GPHN: variants seen among roughly 807,000 people sequenced by gnomAD.
The protein encoded by GPHN is gephyrin.
In GPHN, 17 loss-of-function variants were observed where a neutral mutation model predicts 95.5. The ratio of observed to expected loss-of-function variants is 0.18; its 90% CI spans 0.12 to 0.27. GPHN has a LOEUF of 0.27. GPHN is among the 10% of genes least tolerant of loss of function. The probability of loss-of-function intolerance (pLI) is 1.00; values close to 1 mark genes in which losing one functional copy is unlikely to be tolerated. For synonymous variants in GPHN, 320 were observed against 322.5 expected (o/e 0.99, Z 0.08); for missense variants, 660 against 978.1 (o/e 0.67, Z 4.34).
intron 1 of GPHN, among the ~76,000 whole-genome samples, chr14:66,553,614 G>A (rs1644753469): frequency 6.6e-6 from 1 of 150,524 alleles, no homozygotes; most frequent in East Asian, 2.0e-4. Context: ...GTCTCACTCT[G>A]TCACCAGGCT....
intron 9 of GPHN, among the ~76,000 whole-genome samples, chr14:66,974,583 C>A (rs1042419590): frequency 4.6e-5 from 7 of 152,026 alleles, no homozygotes; most frequent in African/African-American, 1.4e-4. Flanking sequence ...GTAGAATTAA[C>A]ATTTTATAGC....
chr14:66,887,424 G>A (rs9323487), intron 5 of GPHN, among the ~76,000 whole-genome samples: 47,117 of 151,954 alleles, frequency 0.31, 11,291 homozygotes, highest in African/African-American at 0.65. Context: ...CTCATCTACT[G>A]AAAATACAAA....
the GPHN span, among the ~76,000 whole-genome samples, chr14:67,645,017 T>TAAAA: frequency 8.1e-6 from 1 of 123,616 alleles, no homozygotes; most frequent in African/African-American, 3.3e-5. Context: ...AAAAAAAAAT[T>TAAAA]GAATGCCATG....
chr14:66,634,268 T>C (rs1489346672), intron 1 of GPHN, among the ~76,000 whole-genome samples: 1 of 147,126 alleles, frequency 6.8e-6, no homozygotes, highest in East Asian at 1.9e-4. Context: ...AAGGAAAGAC[T>C]TTTTCCTGTA....
chr14:67,349,229 A>G, the GPHN span: 2 of 935,490 alleles, frequency 2.1e-6, no homozygotes, highest in South Asian at 3.4e-5. Flanking sequence ...ATGTTTTGAT[A>G]ACTGTCCTTT....
chr14:67,660,130 C>G, the GPHN span: 8 of 510,488 alleles, frequency 1.6e-5, no homozygotes, highest in East Asian at 3.2e-5. Flanking sequence ...AGCAGGCATT[C>G]GAGTATATGA....
intron 2 of GPHN, among the ~76,000 whole-genome samples, chr14:66,771,638 A>G (rs910396581): frequency 6.6e-6 from 1 of 151,968 alleles, no homozygotes; most frequent in African/African-American, 2.4e-5. Flanking sequence ...GGTTAGTTAC[A>G]TATGTATACA....
intron 9 of GPHN, among the ~76,000 whole-genome samples, chr14:66,993,907 AGAT>A (rs1246288342): frequency 2.0e-5 from 3 of 152,170 alleles, no homozygotes; most frequent in African/African-American, 7.2e-5. Context: ...GTATCTTGGT[AGAT>A]GATGTCTTAT....
chr14:67,657,773 C>G, the GPHN span, among the ~76,000 whole-genome samples: 5 of 144,792 alleles, frequency 3.5e-5, no homozygotes, highest in African/African-American at 1.0e-4. Context: ...TTTTTTGAGA[C>G]AGTCTCGCTC....
At chr14:66,940,866 C>G (rs1275480891) in intron 8 of GPHN, among the ~76,000 whole-genome samples, 1 of 152,126 alleles carries the variant, frequency 6.6e-6, no homozygotes, top group Admixed American at 6.5e-5. Context: ...ATTGAGTCCT[C>G]CTCCAACAAG....
the GPHN span, chr14:67,726,301 C>T: frequency 1.4e-6 from 1 of 701,638 alleles, no homozygotes; most frequent in Non-Finnish European, 2.6e-6. Context: ...TTGTTGTTCA[C>T]TGTACCTCTC....
chr14:66,813,116 C>T (rs994487464), intron 3 of GPHN, among the ~76,000 whole-genome samples: 1 of 152,028 alleles, frequency 6.6e-6, no homozygotes, highest in Non-Finnish European at 1.5e-5. Flanking sequence ...GGAAAAGTAC[C>T]ATTTCTAATC....
Position 66,617,254 on chromosome 14 carries a change from A to G in GPHN, c.65-63853A>G, listed in dbSNP as rs8023060. ...CTGTGGTGCTGGTTGCCCCTCCTGTAGGGAGCTCAGTAGGCTTCAGCAGAT... is the reference window on the plus strand; with the variant it reads ...CTGTGGTGCTGGTTGCCCCTCCTGTGGGGAGCTCAGTAGGCTTCAGCAGAT... On this transcript the variant is annotated intron_variant, in intron 1 of 22. Transcript: ENST00000478722. Among the ~76,000 whole-genome samples the G allele has an allele frequency of 3.6e-3, 555 of 152,180 alleles. 12 individuals are homozygous for G. The highest frequency in any genetic ancestry group is 0.013 in the African/African-American group (529 of 41,510).
chr14:67,110,384 T>G lies in GPHN; in HGVS notation c.1413+125T>G, dbSNP rs1406862903. ...TTGTTTAGTTTTGTTTTGTTTTTGC[T>G]TATGGTGGGATCTTATATTGTAGTA... is the stretch of plus-strand genomic sequence containing the variant. On this transcript the variant is annotated intron_variant, in intron 14 of 22. Transcript: ENST00000478722. 6.3e-6 allele frequency: 6 copies of G among 946,230 alleles called. No individual in the cohort carries two copies. The African/African-American group carries it at 9.6e-5, about 15-fold the overall frequency. 58.6% of individuals were successfully genotyped at this position (946,230 alleles called of 1,614,324 possible). A position where few individuals can be genotyped will look rare whatever the true frequency, so the allele number is the denominator to read the frequency against.
At chr14:67,574,915 T>G in the GPHN span, among the ~76,000 whole-genome samples, 1 of 152,204 alleles carries the variant, frequency 6.6e-6, no homozygotes, top group Non-Finnish European at 1.5e-5. This position sits in a 1 kb window ranked among gnomAD's most constrained non-coding sequence, Gnocchi z 4.2. Context: ...CCAAAGCGAC[T>G]TGCACTCAGC....
intron 11 of GPHN, among the ~76,000 whole-genome samples, chr14:67,081,553 G>C (rs958623282): frequency 1.3e-5 from 2 of 152,158 alleles, no homozygotes; most frequent in Admixed American, 1.3e-4. Context: ...TGGGTTGTCT[G>C]TTTACTTTGC....
At chr14:67,397,190 C>T in the GPHN span, among the ~76,000 whole-genome samples, 2 of 152,180 alleles carry the variant, frequency 1.3e-5, no homozygotes, top group African/African-American at 2.4e-5. Flanking sequence ...CTGCCCATCT[C>T]GGCCTCCCAA....
At position 66,635,652 on chromosome 14, in the gene GPHN, A is replaced by C. The variant is rs550343691; in HGVS notation, c.65-45455A>C. Among the ~76,000 whole-genome samples the C allele has an allele frequency of 5.3e-5, 8 of 152,320 alleles. No individual in the cohort carries two copies. The South Asian group carries it at 1.4e-3, about 28-fold the overall frequency. Reference sequence around the variant, plus strand: ...AGTGGGTGTAATTCTGATATCTGCCATTACAAAAACAACGACGAAAAAGCA... The same window carrying C: ...AGTGGGTGTAATTCTGATATCTGCCCTTACAAAAACAACGACGAAAAAGCA... On this transcript the variant is annotated intron_variant, in intron 1 of 22. Coordinates refer to ENST00000478722, the MANE Select transcript of GPHN (RefSeq NM_020806.5).
chr14:67,586,131 G>C, the GPHN span: 1 of 1,610,004 alleles, frequency 6.2e-7, no homozygotes, highest in Non-Finnish European at 8.5e-7. Flanking sequence ...GTTCTACTCT[G>C]GCAAGATGTG....
Sources: allele counts gnomAD v4.1 joint callset (sites outside exome capture counted in the v4.1 genomes callset), GRCh38; gene constraint gnomAD v4.1.1; non-coding constraint Gnocchi (gnomAD v3.1); transcripts MANE v1.5; gene names NCBI Gene and HGNC (gene_info 2026-07-23, HGNC 2026-07-21).